ABR: variants seen among roughly 807,000 people sequenced by gnomAD.
ABR encodes the protein ABR activator of RhoGEF and GTPase, also known as active breakpoint cluster region-related protein.
In ABR, 35 loss-of-function variants were observed where a neutral mutation model predicts 107.2. The observed-to-expected ratio is 0.33, with a 90% confidence interval of 0.25 to 0.43. The LOEUF is 0.43. Ranked by LOEUF, ABR falls within the 20% of genes least tolerant of loss-of-function variation. The probability of loss-of-function intolerance (pLI) is 1.00; values close to 1 mark genes in which losing one functional copy is unlikely to be tolerated. For missense variants in ABR, 815 were observed against 1,115.2 expected, an observed-to-expected ratio of 0.73 and a Z score of 3.83; for synonymous variants, 498 against 462.0, an observed-to-expected ratio of 1.08 and a Z score of -1.00.
intron 10 of ABR, among the ~76,000 whole-genome samples, chr17:1,064,092 T>C (rs1437884255): frequency 2.2e-5 from 3 of 133,334 alleles, no homozygotes; most frequent in African/African-American, 8.7e-5. Context: ...CTGAGGGCTA[T>C]ACATGTTCCT....
At chr17:1,133,982 G>T (rs2440046) in intron 1 of ABR, among the ~76,000 whole-genome samples, 60,094 of 152,146 alleles carry the variant, frequency 0.39, 11,992 homozygotes, top group South Asian at 0.45. Flanking sequence ...ACCAGGAACA[G>T]GTCAAGAAAG....
At chr17:1,216,058 G>A (rs971311037) in intron 1 of ABR, among the ~76,000 whole-genome samples, 3 of 150,700 alleles carry the variant, frequency 2.0e-5, no homozygotes, top group Non-Finnish European at 4.4e-5. Context: ...AGGGTCCTCT[G>A]CCTAGGAAAA....
chr17:1,197,153 C>T (rs376864372), intron 1 of ABR, among the ~76,000 whole-genome samples: 2 of 151,660 alleles, frequency 1.3e-5, no homozygotes, highest in East Asian at 1.9e-4. Flanking sequence ...AGGCAGCCCC[C>T]AGCCCTGCCT....
At chr17:1,007,458 C>T (rs967667516) in intron 21 of ABR, 146 bp from the exon 22 acceptor site, 4 of 965,434 alleles carry the variant, frequency 4.1e-6, no homozygotes, top group African/African-American at 3.3e-5. Flanking sequence ...GGGACCTCCC[C>T]CGGGGGAAGG....
intron 16 of ABR, among the ~76,000 whole-genome samples, chr17:1,026,613 G>A (rs1306587318): frequency 1.3e-5 from 2 of 152,152 alleles, no homozygotes; most frequent in African/African-American, 2.4e-5. Flanking sequence ...ATCCTGGAGG[G>A]CCAAGGGTCT....
intron 1 of ABR, among the ~76,000 whole-genome samples, chr17:1,136,383 C>G (rs1319915418): frequency 6.6e-6 from 1 of 152,206 alleles, no homozygotes; most frequent in Non-Finnish European, 1.5e-5. Context: ...TGTGCACCAC[C>G]AGGCCTGGCT....
chr17:1,120,570 C>T (rs1185300660), intron 2 of ABR, among the ~76,000 whole-genome samples: 1 of 152,210 alleles, frequency 6.6e-6, no homozygotes, highest in Admixed American at 6.5e-5. Context: ...TGAGCCACCG[C>T]ACCCGGCCAA....
intron 3 of ABR, among the ~76,000 whole-genome samples, chr17:1,094,172 C>T (rs1024992021): frequency 6.6e-6 from 1 of 152,156 alleles, no homozygotes; most frequent in Non-Finnish European, 1.5e-5. Context: ...CTGGTCCTTG[C>T]TAGGCAAGCG....
intron 4 of ABR, among the ~76,000 whole-genome samples, chr17:1,086,821 A>C (rs921882004): frequency 1.3e-5 from 2 of 152,164 alleles, no homozygotes; most frequent in African/African-American, 4.8e-5. Context: ...TTTAAAGTAC[A>C]TGCAGCTGGG....
chr17:1,010,666 T>C lies in ABR; in HGVS notation c.2236+63A>G. On this transcript the variant is annotated intron_variant, in intron 20 of 22. Coordinates refer to ENST00000302538, the MANE Select transcript of ABR (RefSeq NM_021962.5). The surrounding 1 kb of genome is among the most constrained non-coding windows in gnomAD (Gnocchi z 4.1). ...AGATATTTCTCCTGCTGGTTACTTC[T>C]CCGGGCAGGGAGTCCTGGCTCAGTC... 2 of 1,585,348 alleles carry C rather than the reference T, an allele frequency of 1.3e-6. No individual in the cohort carries two copies. Among genetic ancestry groups the C allele is most frequent in the Non-Finnish European group, 1.7e-6 (2 of 1,164,134 alleles).
At chr17:1,086,791 A>C (rs116994770) in intron 4 of ABR, among the ~76,000 whole-genome samples, 3 of 152,112 alleles carry the variant, frequency 2.0e-5, no homozygotes, top group Non-Finnish European at 4.4e-5. Context: ...GTGAGCCACC[A>C]CGCCTGGCTT....
At chr17:1,222,041 G>A (rs1454025412) in intron 1 of ABR, among the ~76,000 whole-genome samples, 1 of 149,924 alleles carries the variant, frequency 6.7e-6, no homozygotes, top group Non-Finnish European at 1.5e-5. Flanking sequence ...CATCGAGGAA[G>A]AGTAACGATA....
chr17:1,053,742 C>T (rs1038244181), intron 14 of ABR, among the ~76,000 whole-genome samples: 7 of 152,158 alleles, frequency 4.6e-5, no homozygotes, highest in African/African-American at 1.2e-4. Flanking sequence ...CTCTGACACC[C>T]GCCCAGGCTG....
chr17:1,041,360 A>G (rs1416633190), intron 16 of ABR, among the ~76,000 whole-genome samples: 1 of 152,236 alleles, frequency 6.6e-6, no homozygotes, highest in Non-Finnish European at 1.5e-5. Flanking sequence ...ACGTCACAGC[A>G]CCGACTGGCT....
chr17:1,219,495 AT>A (rs1206699705), intron 1 of ABR, among the ~76,000 whole-genome samples: 4 of 149,956 alleles, frequency 2.7e-5, no homozygotes, highest in Non-Finnish European at 5.9e-5. Flanking sequence ...GTGCATCTGG[AT>A]TTATTTCATT....
At chr17:1,034,860 G>A (rs1292472545) in intron 16 of ABR, among the ~76,000 whole-genome samples, 2 of 152,098 alleles carry the variant, frequency 1.3e-5, no homozygotes, top group Non-Finnish European at 2.9e-5. Flanking sequence ...CCCTGCCGCC[G>A]GGTGTGGGGG....
At chr17:1,058,663 C>G (rs1314530275) in intron 11 of ABR, 82 bp downstream of exon 11, 10 of 1,535,170 alleles carry the variant, frequency 6.5e-6, no homozygotes, top group Admixed American at 6.1e-5. Flanking sequence ...CCGGTTCGTA[C>G]AGGTCAGGGC....
At chr17:1,183,770 G>A (rs562839941), upstream of ABR, among the ~76,000 whole-genome samples, 1 of 152,292 alleles carries the variant, frequency 6.6e-6, no homozygotes, top group African/African-American at 2.4e-5. Flanking sequence ...GGCCAGGCAG[G>A]GAGCCCCGGT....
chr17:1,018,187 C>G (rs575516338), intron 16 of ABR, among the ~76,000 whole-genome samples: 1 of 151,978 alleles, frequency 6.6e-6, no homozygotes, highest in Non-Finnish European at 1.5e-5. Context: ...GGACTACAGG[C>G]GCCCGCCACC....
Sources: allele counts gnomAD v4.1 joint callset (sites outside exome capture counted in the v4.1 genomes callset), GRCh38; gene constraint gnomAD v4.1.1; non-coding constraint Gnocchi (gnomAD v3.1); transcripts MANE v1.5; gene names NCBI Gene and HGNC (gene_info 2026-07-23, HGNC 2026-07-21).